BPHL: variants seen among roughly 807,000 people sequenced by gnomAD.
BPHL encodes serine hydrolase BPHL.
Under a neutral mutation model 31.2 loss-of-function variants are expected in BPHL, and 27 were observed. The ratio of observed to expected loss-of-function variants is 0.87; its 90% CI spans 0.64 to 1.19. The LOEUF (loss-of-function observed/expected upper bound fraction) is 1.19, where lower values mean the gene tolerates loss of function less well. Among genes scored for constraint, BPHL ranks in the 50% most tolerant of loss-of-function variants. The probability of loss-of-function intolerance (pLI) is 0.00; values close to 1 mark genes in which losing one functional copy is unlikely to be tolerated. For missense variants in BPHL, 356 were observed against 375.7 expected (o/e 0.95, Z 0.43); for synonymous variants, 150 against 146.8 (o/e 1.02, Z -0.16).
At chr6:3,118,464 C>T (rs1026467135), upstream of BPHL, 7 of 315,114 alleles carry the variant, frequency 2.2e-5, no homozygotes, top group Admixed American at 5.0e-5. Context: ...GCAGCGCCGA[C>T]GGGGACACTC....
At chr6:3,135,770 G>A (rs1414146981) in intron 4 of BPHL, among the ~76,000 whole-genome samples, 5 of 152,062 alleles carry the variant, frequency 3.3e-5, no homozygotes, top group Admixed American at 3.3e-4. Context: ...TTTGTTTTGT[G>A]ACCTTTGGTT....
chr6:3,145,988 G>A (rs1459426621), intron 6 of BPHL, among the ~76,000 whole-genome samples: 1 of 24,258 alleles, frequency 4.1e-5, no homozygotes, highest in East Asian at 1.1e-3. Context: ...GGTTTGGGTC[G>A]AGTGCTGGTT....
chr6:3,118,900 G>A (rs1312380194), intron 1 of BPHL, 53 bp downstream of exon 1: 1 of 1,211,950 alleles, frequency 8.3e-7, no homozygotes, highest in Non-Finnish European at 1.0e-6. Context: ...CGCTCGAGGG[G>A]CGGCGGGAGG....
Position 3,122,258 on chromosome 6 carries a change from C to T in BPHL, c.108-1399C>T, listed in dbSNP as rs148403695. On this transcript the variant is annotated intron_variant, in intron 1 of 6. Coordinates refer to ENST00000380379, the MANE Select transcript of BPHL (RefSeq NM_004332.4). ...TGGCGCCACTGCACTCCAGCCTGGG[C>T]GACAGAGTGAGACTCCATCTCAAAA... is the stretch of plus-strand genomic sequence containing the variant. 8.3e-3 allele frequency among the ~76,000 whole-genome samples: 1,255 copies of T among 152,034 alleles called. 15 individuals are homozygous for T. Among genetic ancestry groups the T allele is most frequent in the African/African-American group, 0.028 (1,168 of 41,472 alleles).
intron 4 of BPHL, among the ~76,000 whole-genome samples, chr6:3,132,123 C>A (rs1246501741): frequency 2.6e-5 from 4 of 152,188 alleles, no homozygotes; most frequent in African/African-American, 4.8e-5. Context: ...CCTGGCTACT[C>A]TTTCTTTTTC....
intron 4 of BPHL, among the ~76,000 whole-genome samples, chr6:3,134,661 G>C (rs1002624318): frequency 2.1e-5 from 3 of 146,196 alleles, no homozygotes; most frequent in African/African-American, 7.8e-5. Context: ...GCTGCGCAGT[G>C]GCGTGATCTC....
At chr6:3,124,647 T>G (rs777609907) in intron 2 of BPHL, among the ~76,000 whole-genome samples, 1 of 152,210 alleles carries the variant, frequency 6.6e-6, no homozygotes, top group Non-Finnish European at 1.5e-5. Flanking sequence ...TATTTTGTAT[T>G]GTTTAGGGAA....
At chr6:3,142,687 A>AGTGC (rs1762214511) in intron 6 of BPHL, among the ~76,000 whole-genome samples, 1 of 152,220 alleles carries the variant, frequency 6.6e-6, no homozygotes, top group Non-Finnish European at 1.5e-5. Flanking sequence ...TTTCCACCAT[A>AGTGC]GCACAGCTGC....
intron 3 of BPHL, among the ~76,000 whole-genome samples, chr6:3,128,322 C>G (rs1259554083): frequency 6.6e-6 from 1 of 152,170 alleles, no homozygotes; most frequent in Non-Finnish European, 1.5e-5. Flanking sequence ...AGACAATTTG[C>G]TAGGTGATGG....
intron 6 of BPHL, among the ~76,000 whole-genome samples, chr6:3,144,146 C>T (rs1252664114): frequency 2.6e-5 from 4 of 152,204 alleles, no homozygotes; most frequent in African/African-American, 7.2e-5. Flanking sequence ...TGGCTCACTG[C>T]AGGCTCTGCC....
chr6:3,119,231 C>A, intron 1 of BPHL: 3 of 1,474,124 alleles, frequency 2.0e-6, no homozygotes, highest in Admixed American at 3.9e-5. Context: ...TTGCTCTGTC[C>A]AGAGTCCACA....
intron 4 of BPHL, among the ~76,000 whole-genome samples, chr6:3,132,476 C>A (rs961814990): frequency 4.6e-5 from 7 of 152,312 alleles, no homozygotes; most frequent in Middle Eastern, 3.4e-3. Flanking sequence ...AGTAGCTTCA[C>A]TCAGCTCCTT....
At chr6:3,144,384 T>G (rs1379989451) in intron 6 of BPHL, among the ~76,000 whole-genome samples, 3 of 132,950 alleles carry the variant, frequency 2.3e-5, no homozygotes, top group South Asian at 4.5e-4. Context: ...TTTTTTTTTT[T>G]TTTTTTGTTT....
chr6:3,119,439 T>G, intron 1 of BPHL: 1 of 1,611,876 alleles, frequency 6.2e-7, no homozygotes, highest in Non-Finnish European at 8.5e-7. Context: ...CCAGAGGATC[T>G]GATCTACATG....
intron 4 of BPHL, among the ~76,000 whole-genome samples, chr6:3,136,046 C>T (rs1191911577): frequency 2.0e-5 from 3 of 152,216 alleles, no homozygotes; most frequent in Admixed American, 2.0e-4. Context: ...TTCTGTTTCT[C>T]ATGTGCAGAC....
chr6:3,135,674 G>A (rs554031073), intron 4 of BPHL, among the ~76,000 whole-genome samples: 4 of 152,066 alleles, frequency 2.6e-5, no homozygotes, highest in South Asian at 2.1e-4. Flanking sequence ...CTGCATCGTC[G>A]TGTCTCTCTG....
chr6:3,140,418 C>CA lies in BPHL; in HGVS notation c.698dup (p.Cys234ValfsTer9), dbSNP rs768561274. The CA allele has an allele frequency of 3.7e-6, 6 of 1,614,074 alleles. No homozygotes were observed. The highest frequency in any genetic ancestry group is 5.1e-6 in the Non-Finnish European group (6 of 1,180,048). On this transcript the variant is annotated frameshift_variant, in exon 6 of 7. Transcript: ENST00000380379. LOFTEE classifies it high-confidence loss of function. This position sits in a 1 kb window ranked among gnomAD's most constrained non-coding sequence, Gnocchi z 5.2. ...CTGCCGGCACCTGCTGCCCCGGGTC[C>CA]AGTGCCCCGCCTTGATTGTGCACGG...
intron 5 of BPHL, chr6:3,138,028 C>CTTT: frequency 8.9e-7 from 1 of 1,122,656 alleles, no homozygotes; most frequent in Non-Finnish European, 1.2e-6. Flanking sequence ...GTCTCCTATT[C>CTTT]TTTTTTTTTT....
chr6:3,123,856 C>CT, intron 2 of BPHL, 96 bp downstream of exon 2: 1 of 1,017,716 alleles, frequency 9.8e-7, no homozygotes, highest in Non-Finnish European at 1.4e-6. Flanking sequence ...AATTTTAGTG[C>CT]TTTTTTGAAA....
Sources: allele counts gnomAD v4.1 joint callset (sites outside exome capture counted in the v4.1 genomes callset), GRCh38; gene constraint gnomAD v4.1.1; non-coding constraint Gnocchi (gnomAD v3.1); transcripts MANE v1.5; gene names NCBI Gene and HGNC (gene_info 2026-07-23, HGNC 2026-07-21).